ZFHX3: variants seen among roughly 807,000 people sequenced by gnomAD.
ZFHX3 encodes the protein zinc finger homeobox 3, also known as zinc finger homeobox protein 3.
Under a neutral mutation model 279.1 loss-of-function variants are expected in ZFHX3, and 42 were observed. The ratio of observed to expected loss-of-function variants is 0.15; its 90% CI spans 0.12 to 0.19. The LOEUF is 0.19. Ranked by LOEUF, ZFHX3 falls within the 10% of genes least tolerant of loss-of-function variation. The pLI, the probability that ZFHX3 is intolerant of heterozygous loss-of-function variation, is 1.00. For synonymous variants in ZFHX3, 2,293 were observed against 1,957.8 expected (o/e 1.17, Z -4.52); for missense variants, 4,981 against 4,754.0 (o/e 1.05, Z -1.40).
chr16:73,788,136 G>A lies in ZFHX3; in HGVS notation c.-1608+103515C>T, dbSNP rs375396323. On this transcript the variant is annotated intron_variant, in intron 1 of 17. Coordinates refer to the ZFHX3 transcript ENST00000641206. ...GCAAGAACAGTAGCTGTAGGAGAAG[G>A]TGGCACACAGGAGCTGTAGGCTTCA... 4.0e-4 allele frequency among the ~76,000 whole-genome samples: 61 copies of A among 152,250 alleles called. No individual in the cohort carries two copies. In the East Asian group the frequency reaches 6.2e-3, roughly 15 times the overall value.
intron 1 of ZFHX3, among the ~76,000 whole-genome samples, chr16:73,812,813 G>T (rs1960460710): frequency 6.6e-6 from 1 of 152,198 alleles, no homozygotes; most frequent in African/African-American, 2.4e-5. Context: ...GATCCACTGG[G>T]CACAAAGGTG....
At chr16:73,748,935 C>T (rs1469888612) in intron 1 of ZFHX3, among the ~76,000 whole-genome samples, 1 of 151,824 alleles carries the variant, frequency 6.6e-6, no homozygotes, top group African/African-American at 2.4e-5. Context: ...TGACAGGCAC[C>T]TGCCACCACA....
At chr16:73,883,570 G>A (rs903823002) in intron 1 of ZFHX3, among the ~76,000 whole-genome samples, 2 of 152,014 alleles carry the variant, frequency 1.3e-5, no homozygotes, top group African/African-American at 4.8e-5. Context: ...ACCAACCTCA[G>A]TATCAGCCTT....
rs187255068 is a variant in ZFHX3 at position 73,374,453 on chromosome 16, C to T, written c.-1290-56117G>A. On this transcript the variant is annotated intron_variant, in intron 3 of 17. Transcript: ENST00000641206. ...TTCACTTTATTATTTTGAAACAAAT[C>T]TCAGACTTACCATTTCATCTGTAAC... Among the ~76,000 whole-genome samples the T allele has an allele frequency of 5.2e-3, 792 of 152,264 alleles. 2 individuals carry two copies. The highest frequency in any genetic ancestry group is 7.8e-3 in the Non-Finnish European group (531 of 68,036).
intron 2 of ZFHX3, among the ~76,000 whole-genome samples, chr16:73,632,531 C>A (rs1417767832): frequency 1.3e-5 from 2 of 151,644 alleles, no homozygotes; most frequent in African/African-American, 2.4e-5. Context: ...ACTAAAAATA[C>A]AAAAATTAGC....
chr16:73,449,882 C>CA (rs141005043), intron 3 of ZFHX3, among the ~76,000 whole-genome samples: 16,714 of 149,772 alleles, frequency 0.11, 2,998 homozygotes, highest in African/African-American at 0.38. Flanking sequence ...TATATTCTGG[C>CA]AAAAAAAAAT....
In ZFHX3 at chr16:72,797,060, G is replaced by A. The variant is rs778933779; in HGVS notation, c.5622C>T (p.Pro1874=). ...HSALLQPSQH[P]EKKNKLVIKE... ...TGATGACCAATTTGTTCTTCTTTTCGGGGTGCTGGCTTGGCTGAAGGAGGG... is the reference window on the plus strand; with the variant it reads ...TGATGACCAATTTGTTCTTCTTTTCAGGGTGCTGGCTTGGCTGAAGGAGGG... The change falls in exon 9 of 10, where the codon CCC becomes CCT. Residue 1874 remains proline (P), a synonymous_variant. Transcript: ENST00000268489. 21 of 1,613,642 alleles carry A rather than the reference G, an allele frequency of 1.3e-5. No individual in the cohort carries two copies. The highest frequency in any genetic ancestry group is 2.7e-5 in the African/African-American group (2 of 74,764).
intron 3 of ZFHX3, among the ~76,000 whole-genome samples, chr16:73,345,558 G>A (rs985687952): frequency 2.0e-5 from 3 of 152,084 alleles, no homozygotes; most frequent in African/African-American, 7.2e-5. Context: ...ATGTCCCTGC[G>A]AGGACATGAT....
chr16:72,941,935 T>C (rs1380709043), intron 3 of ZFHX3, among the ~76,000 whole-genome samples: 1 of 152,180 alleles, frequency 6.6e-6, no homozygotes, highest in Non-Finnish European at 1.5e-5. Context: ...CCGAAATGGT[T>C]TTCATAGTAA....
At chr16:72,874,601 A>G (rs954904018) in intron 4 of ZFHX3, among the ~76,000 whole-genome samples, 1 of 152,106 alleles carries the variant, frequency 6.6e-6, no homozygotes, top group Admixed American at 6.6e-5. Context: ...GACTCAGTGG[A>G]ACCTTCACTT....
chr16:73,599,792 C>T (rs1298938065), intron 2 of ZFHX3, among the ~76,000 whole-genome samples: 7 of 151,236 alleles, frequency 4.6e-5, no homozygotes, highest in Admixed American at 6.6e-5. Flanking sequence ...ACACTTCCAC[C>T]GGTATAATGA....
intron 4 of ZFHX3, among the ~76,000 whole-genome samples, chr16:72,863,643 A>T (rs1045402516): frequency 6.6e-6 from 1 of 152,148 alleles, no homozygotes; most frequent in Non-Finnish European, 1.5e-5. Flanking sequence ...TGTATAGATG[A>T]AACAGGACTG....
chr16:73,447,804 A>G (rs1369684337), intron 3 of ZFHX3, among the ~76,000 whole-genome samples: 2 of 152,226 alleles, frequency 1.3e-5, no homozygotes, highest in African/African-American at 4.8e-5. Flanking sequence ...AGCAAGAACA[A>G]AATAAATAAC....
chr16:73,858,581 A>G (rs972496187), intron 1 of ZFHX3, among the ~76,000 whole-genome samples: 3 of 152,366 alleles, frequency 2.0e-5, no homozygotes, highest in South Asian at 2.1e-4. Flanking sequence ...CATCCACTGT[A>G]AAAGAAAGCC....
chr16:73,465,109 T>A (rs1438468774), intron 2 of ZFHX3, among the ~76,000 whole-genome samples: 1 of 152,144 alleles, frequency 6.6e-6, no homozygotes, highest in Non-Finnish European at 1.5e-5. Flanking sequence ...ATGCTCGAGG[T>A]CAGAAATGGT....
At chr16:73,151,472 A>C (rs1966940256) in intron 5 of ZFHX3, among the ~76,000 whole-genome samples, 1 of 152,108 alleles carries the variant, frequency 6.6e-6, no homozygotes, top group Non-Finnish European at 1.5e-5. Flanking sequence ...GAAGGCCTTG[A>C]GGAACTGTGA....
At chr16:73,550,944 T>A (rs546229219) in intron 2 of ZFHX3, among the ~76,000 whole-genome samples, 1 of 152,346 alleles carries the variant, frequency 6.6e-6, no homozygotes, top group African/African-American at 2.4e-5. Flanking sequence ...AGCATTAGCC[T>A]AAAACAAACT....
chr16:73,258,524 TATTTTTAGTAG>T (rs1237352588), intron 4 of ZFHX3, among the ~76,000 whole-genome samples: 1 of 151,988 alleles, frequency 6.6e-6, no homozygotes, highest in Non-Finnish European at 1.5e-5. Context: ...TAATTTTTTG[TATTTTTAGTAG>T]AGAAGAGGTT....
chr16:73,728,812 T>C (rs1597085200), intron 1 of ZFHX3, among the ~76,000 whole-genome samples: 2 of 146,040 alleles, frequency 1.4e-5, no homozygotes, highest in African/African-American at 2.5e-5. Flanking sequence ...AATAACCCCC[T>C]ACACACACAC....
Sources: gnomAD v4.1 joint callset for allele counts (sites outside exome capture counted in the v4.1 genomes callset) on GRCh38, gnomAD v4.1.1 for gene constraint, MANE v1.5 for transcripts, NCBI Gene and HGNC (gene_info 2026-07-23, HGNC 2026-07-21) for gene names.